The following SCAF4 variants were observed in gnomAD, a reference collection of about 807,000 sequenced individuals.
The protein encoded by SCAF4 is SR-related CTD associated factor 4, also known as SR-related and CTD-associated factor 4.
A neutral mutation model predicts 129.8 loss-of-function variants in SCAF4; 25 were observed. That is an observed-to-expected ratio of 0.19 (90% CI 0.14 to 0.27). The LOEUF is 0.27. SCAF4 is among the 10% of genes least tolerant of loss of function. The pLI is 1.00. For missense variants in SCAF4, 1,246 were observed against 1,457.1 expected (o/e 0.86, Z 2.36); for synonymous variants, 551 against 497.7 (o/e 1.11, Z -1.43).
intron 19 of SCAF4, among the ~76,000 whole-genome samples, chr21:31,678,275 C>G (rs1431445647): frequency 3.3e-5 from 5 of 152,182 alleles, no homozygotes; most frequent in African/African-American, 9.6e-5. Flanking sequence ...ATTACATCTA[C>G]CAGTTGCTCA....
In SCAF4 at chr21:31,701,937, T is replaced by C. The variant is rs749934431; in HGVS notation, c.458-19A>G. 6.2e-7 allele frequency: 1 copy of C among 1,607,992 alleles called. No individual in the cohort carries two copies. Among genetic ancestry groups the C allele is most frequent in the Non-Finnish European group, 8.5e-7 (1 of 1,178,432 alleles). On this transcript the variant is annotated intron_variant, in intron 5 of 19. Transcript: ENST00000286835. Reference sequence around the variant, plus strand: ...GGTGAGCCTAAAAAAGAAAAGGGCATTAAGGCCTAAAAAAAAAGTTAACCT... The same window carrying C: ...GGTGAGCCTAAAAAAGAAAAGGGCACTAAGGCCTAAAAAAAAAGTTAACCT...
chr21:31,676,675 G>GT (rs2049863888), intron 19 of SCAF4, among the ~76,000 whole-genome samples: 1 of 152,084 alleles, frequency 6.6e-6, no homozygotes, highest in Admixed American at 6.5e-5. Context: ...ACTCTTAGTT[G>GT]TTTTGTTTGG....
At chr21:31,705,065 G>A (rs971765033) in intron 3 of SCAF4, among the ~76,000 whole-genome samples, 1 of 152,068 alleles carries the variant, frequency 6.6e-6, no homozygotes, top group East Asian at 1.9e-4. Flanking sequence ...TGGGAAAAGG[G>A]AAAAATTGGG....
intron 7 of SCAF4, among the ~76,000 whole-genome samples, chr21:31,697,793 T>C (rs2050424830): frequency 6.6e-6 from 1 of 152,324 alleles, no homozygotes; most frequent in Non-Finnish European, 1.5e-5. Flanking sequence ...CTAAACTAAG[T>C]GTAAAGTGTG....
chr21:31,693,611 C>T (rs1212881843), intron 11 of SCAF4, 127 bp from the exon 12 acceptor site: 1 of 484,040 alleles, frequency 2.1e-6, no homozygotes. Flanking sequence ...AATGCAATAC[C>T]TGAGAATTCA....
At chr21:31,684,549 A>G (rs1376427154) in intron 19 of SCAF4, 1 of 154,056 alleles carries the variant, frequency 6.5e-6, no homozygotes, top group Non-Finnish European at 1.4e-5. Flanking sequence ...AAACAAAGCC[A>G]TTTTATTGGA....
chr21:31,696,059 A>G (rs1418960086), intron 9 of SCAF4, 54 bp downstream of exon 9: 18 of 1,312,250 alleles, frequency 1.4e-5, no homozygotes, highest in Non-Finnish European at 1.8e-5. Flanking sequence ...AATGCAAACC[A>G]TACGCTCTAT....
chr21:31,701,891 G>A lies in SCAF4; in HGVS notation c.485C>T (p.Ser162Phe), dbSNP rs1251107011. 6.2e-7 allele frequency: 1 copy of A among 1,613,926 alleles called. No homozygotes were observed. The highest frequency in any genetic ancestry group is 1.7e-5 in the Admixed American group (1 of 59,992). Residue 162 changes from serine to phenylalanine, a missense_variant, in exon 6 of 20, where the codon TCT becomes TTT. By Grantham distance (155) the Ser-to-Phe change is radical. Coordinates refer to ENST00000286835, the MANE Select transcript of SCAF4 (RefSeq NM_020706.2). The stretch of plus-strand genomic sequence containing the variant: ...AGTGGCTTGTGTGGGAGGTTCAGAA[G>A]AAACTTTTACTGGAGGTGGAGGTGA... ...EGSPPPPVKV[S>F]SEPPTQATPN...
intron 12 of SCAF4, 106 bp downstream of exon 12, chr21:31,693,188 C>T: frequency 2.5e-6 from 2 of 791,856 alleles, no homozygotes; most frequent in Non-Finnish European, 3.6e-6. Flanking sequence ...TAAAAATCAA[C>T]ACAGTGGTAA....
chr21:31,691,795 A>G, intron 14 of SCAF4, 22 bp downstream of exon 14: 3 of 1,322,000 alleles, frequency 2.3e-6, no homozygotes, highest in East Asian at 4.9e-5. Flanking sequence ...AAAAAAATTA[A>G]TTATAACATG....
intron 1 of SCAF4, among the ~76,000 whole-genome samples, chr21:31,717,848 C>CAT (rs1396566274): frequency 1.1e-5 from 1 of 89,390 alleles, no homozygotes; most frequent in East Asian, 4.3e-4. Flanking sequence ...TATATACACA[C>CAT]ACACACACAC....
chr21:31,729,064 G>A (rs760420539), intron 1 of SCAF4, among the ~76,000 whole-genome samples: 15 of 152,078 alleles, frequency 9.9e-5, no homozygotes, highest in Non-Finnish European at 2.1e-4. Flanking sequence ...TTCCTACCAA[G>A]TCTCTGCCTC....
intron 1 of SCAF4, among the ~76,000 whole-genome samples, chr21:31,719,042 GCA>G (rs2051006969): frequency 6.6e-6 from 1 of 152,186 alleles, no homozygotes; most frequent in Non-Finnish European, 1.5e-5. Flanking sequence ...CGTAATCCCA[GCA>G]CTTCGGGAGG....
chr21:31,674,702 C>T (rs1760270275), intron 19 of SCAF4, among the ~76,000 whole-genome samples: 1 of 152,020 alleles, frequency 6.6e-6, no homozygotes, highest in African/African-American at 2.4e-5. Context: ...TGTGAGTTAC[C>T]CAGGTGAAAA....
Position 31,696,667 on chromosome 21 carries a change from CGTGGTG to C in SCAF4, c.855_860del (p.Thr287_Thr288del). The C allele has an allele frequency of 1.2e-6, 2 of 1,614,018 alleles. No homozygotes were observed. The highest frequency in any genetic ancestry group is 1.7e-6 in the Non-Finnish European group (2 of 1,179,912). ...GGGGTACTGCGGCAGCAGGTGCTGT[CGTGGTG>C]ACGGCAGTGGTATCCTCTTTCTTTG... is the stretch of plus-strand genomic sequence containing the variant. On this transcript the variant is annotated inframe_deletion, in exon 8 of 20. Coordinates refer to ENST00000286835, the MANE Select transcript of SCAF4 (RefSeq NM_020706.2).
At chr21:31,722,420 G>C (rs1165395089) in intron 1 of SCAF4, among the ~76,000 whole-genome samples, 2 of 151,858 alleles carry the variant, frequency 1.3e-5, no homozygotes, top group Non-Finnish European at 2.9e-5. Flanking sequence ...AATTTTTTCT[G>C]GCATAAATAT....
intron 1 of SCAF4, among the ~76,000 whole-genome samples, chr21:31,711,079 G>C (rs1337829492): frequency 2.0e-5 from 3 of 152,002 alleles, no homozygotes; most frequent in Non-Finnish European, 2.9e-5. Context: ...CCAGCAGCTG[G>C]AACTATAGGC....
At chr21:31,680,782 C>A (rs1056650434) in intron 19 of SCAF4, among the ~76,000 whole-genome samples, 2 of 152,066 alleles carry the variant, frequency 1.3e-5, no homozygotes, top group Non-Finnish European at 2.9e-5. Flanking sequence ...TAAAAATGAG[C>A]TACTAAAAAA....
rs1601213301 is a variant in SCAF4 at position 31,694,277 on chromosome 21, C to T, written c.1249G>A (p.Glu417Lys). 2 of 1,600,392 alleles carry T rather than the reference C, an allele frequency of 1.2e-6. No individual in the cohort carries two copies. Among genetic ancestry groups the T allele is most frequent in the East Asian group, 2.2e-5 (1 of 44,674 alleles). ...QKPHQQEMEV[E>K]QPCIQEVKRH... ...TTAACCTCTTGAATACAAGGTTGTT[C>T]TACTTCCATTTCCTTAAAAAACAAA... Residue 417 changes from glutamate to lysine, a missense_variant, in exon 11 of 20, where the codon GAA becomes AAA. Glu to Lys is a moderately conservative substitution (Grantham distance 56, BLOSUM62 1). This residue lies in a region of SCAF4 where 236 missense variants were observed against 210.0 expected (regional missense o/e 1.12). Coordinates refer to ENST00000286835, the MANE Select transcript of SCAF4 (RefSeq NM_020706.2).
Sources: allele counts gnomAD v4.1 joint callset (sites outside exome capture counted in the v4.1 genomes callset), GRCh38; gene constraint gnomAD v4.1.1; regional missense constraint gnomAD v4.1.1; transcripts MANE v1.5; gene names NCBI Gene and HGNC (gene_info 2026-07-23, HGNC 2026-07-21).